The following IFT46 variants were observed in gnomAD, a reference collection of about 807,000 sequenced individuals.
IFT46 encodes intraflagellar transport protein 46 homolog.
In IFT46, 19 loss-of-function variants were observed where a neutral mutation model predicts 39.6. The ratio of observed to expected loss-of-function variants is 0.48; its 90% confidence interval spans 0.33 to 0.70. IFT46 has a LOEUF of 0.70. Among genes scored for constraint, IFT46 ranks in the 30% least tolerant of loss-of-function variants. The probability of loss-of-function intolerance (pLI) is 0.01; values close to 1 mark genes in which losing one functional copy is unlikely to be tolerated. For synonymous variants in IFT46, 117 were observed against 134.8 expected (o/e 0.87, Z 0.91); for missense variants, 334 against 364.8 (o/e 0.92, Z 0.69).
At chr11:118,564,188 C>CAAAAA (rs34442295) in intron 2 of IFT46, among the ~76,000 whole-genome samples, 1 of 55,102 alleles carries the variant, frequency 1.8e-5, no homozygotes, top group Non-Finnish European at 3.4e-5. Flanking sequence ...GACTCTGTCT[C>CAAAAA]AAAAAAAAAA....
At chr11:118,561,989 A>C (rs912449306) in intron 2 of IFT46, among the ~76,000 whole-genome samples, 24 of 151,996 alleles carry the variant, frequency 1.6e-4, no homozygotes, top group African/African-American at 5.3e-4. Flanking sequence ...AAATACAAAA[A>C]TTAGGCCGGG....
At chr11:118,556,387 G>A (rs1937835777) in intron 4 of IFT46, among the ~76,000 whole-genome samples, 1 of 152,112 alleles carries the variant, frequency 6.6e-6, no homozygotes, top group African/African-American at 2.4e-5. Context: ...CAGCTACTCA[G>A]GAGGCTGAGG....
At position 118,559,909 on chromosome 11, in the gene IFT46, T is replaced by C. The variant is rs539090554; in HGVS notation, c.-35-45A>G. ...CTTTAGATTATTGTTAAAATGATTT[T>C]TAAAAACAAGTATTTTTTAGTTTTT... On this transcript the variant is annotated intron_variant, in intron 2 of 11. Coordinates refer to ENST00000264021, the MANE Select transcript of IFT46 (RefSeq NM_001168618.2). 1,190 of 1,131,106 alleles carry C rather than the reference T, an allele frequency of 1.1e-3. 3 individuals are homozygous for C. Among genetic ancestry groups the C allele is most frequent in the Non-Finnish European group, 1.3e-3 (1,007 of 764,882 alleles). The allele number at this position is 1,131,106 out of a possible 1,614,324, so 70.1% of individuals were successfully genotyped here. A position where few individuals can be genotyped will look rare whatever the true frequency, so the allele number is the denominator to read the frequency against.
chr11:118,569,356 G>A (rs1565354070), upstream of IFT46, among the ~76,000 whole-genome samples: 4 of 151,986 alleles, frequency 2.6e-5, no homozygotes, highest in Admixed American at 2.0e-4. Context: ...ACTTTGGGGG[G>A]ACAAGATGGG....
chr11:118,564,693 GAAAAGA>G (rs782736783), intron 2 of IFT46, among the ~76,000 whole-genome samples: 51 of 150,278 alleles, frequency 3.4e-4, no homozygotes, highest in Admixed American at 8.6e-4. Flanking sequence ...TAAAAAAAAA[GAAAAGA>G]AAAAGAAAAA....
Position 118,544,883 on chromosome 11 carries a change from G to T in IFT46, c.*33C>A. On this transcript the variant is annotated 3_prime_UTR_variant, in exon 12 of 12. Transcript: ENST00000264021. Reference sequence around the variant, plus strand: ...CATCTCAGCTGGGGCAGAGGGGCCAGCTCAGCCTTGAAACAGCAGCTTGGG... The same window carrying T: ...CATCTCAGCTGGGGCAGAGGGGCCATCTCAGCCTTGAAACAGCAGCTTGGG... 6.7e-7 allele frequency: 1 copy of T among 1,493,160 alleles called. No individual in the cohort carries two copies. The highest frequency in any genetic ancestry group is 9.3e-7 in the Non-Finnish European group (1 of 1,071,824). The allele number at this position is 1,493,160 out of a possible 1,614,324, so 92.5% of individuals were successfully genotyped here. A position where few individuals can be genotyped will look rare whatever the true frequency, so the allele number is the denominator to read the frequency against.
At chr11:118,561,355 C>T in intron 2 of IFT46, 4 of 890,964 alleles carry the variant, frequency 4.5e-6, no homozygotes, top group Non-Finnish European at 5.7e-6. Flanking sequence ...AGAACCAGTT[C>T]TCTCAATGCA....
chr11:118,546,143 CA>C (rs1555067087), intron 9 of IFT46: 1 of 718,306 alleles, frequency 1.4e-6, no homozygotes, highest in African/African-American at 1.7e-5. Context: ...GACAAAGACG[CA>C]TAACAGAGGG....
upstream of IFT46, among the ~76,000 whole-genome samples, chr11:118,567,060 C>A (rs1938241479): frequency 6.6e-6 from 1 of 151,774 alleles, no homozygotes; most frequent in South Asian, 2.1e-4. Flanking sequence ...TAGCAAGAAC[C>A]GCCCCCCTCC....
chr11:118,557,270 G>C (rs1030149437), intron 3 of IFT46: 47 of 439,944 alleles, frequency 1.1e-4, no homozygotes, highest in African/African-American at 7.9e-4. Context: ...TCTACTTGAG[G>C]CTGGGGTATA....
rs547050747 is a variant in IFT46 at position 118,572,637 on chromosome 11, G to A, written c.-174C>T. On this transcript the variant is annotated 5_prime_UTR_variant, in exon 1 of 6. Coordinates refer to the IFT46 transcript ENST00000528378. ...CGGGCCTGGGGCAGGGGCCGGAGGA[G>A]CCCCGCCCTGAGGGTCTAGGGCAGA... 646 of 1,532,366 alleles carry A rather than the reference G, an allele frequency of 4.2e-4. 7 individuals are homozygous for A. Among genetic ancestry groups the A allele is most frequent in the Non-Finnish European group, 2.4e-5 (27 of 1,128,176 alleles). The allele number at this position is 1,532,366 out of a possible 1,614,324, so 94.9% of individuals were successfully genotyped here.
Position 118,544,599 on chromosome 11 carries a change from C to A in IFT46, c.*317G>T, listed in dbSNP as rs1230261631. ...TACGAATGAAAGAAAACAATTCCAT[C>A]CCTCTCACAAAAAGGACATCTTTTA... On this transcript the variant is annotated 3_prime_UTR_variant, in exon 12 of 12. Coordinates refer to ENST00000264021, the MANE Select transcript of IFT46 (RefSeq NM_001168618.2). 10 of 288,938 alleles carry A rather than the reference C, an allele frequency of 3.5e-5. No individual in the cohort carries two copies. The East Asian group carries it at 7.0e-4, about 20-fold the overall frequency. The allele number at this position is 288,938 out of a possible 1,614,324, so 17.9% of individuals were successfully genotyped here. A position where few individuals can be genotyped will look rare whatever the true frequency, so the allele number is the denominator to read the frequency against.
Position 118,545,874 on chromosome 11 carries a change from C to T in IFT46, c.673-21G>A, listed in dbSNP as rs368856493. Reference sequence around the variant, plus strand: ...CTTACCTGGAAGGGGCATGGAAGGACCAAAGTCAAAAGGATGGTGTCAGTG... The same window carrying T: ...CTTACCTGGAAGGGGCATGGAAGGATCAAAGTCAAAAGGATGGTGTCAGTG... On this transcript the variant is annotated intron_variant, in intron 9 of 11. Coordinates refer to ENST00000264021, the MANE Select transcript of IFT46 (RefSeq NM_001168618.2). The T allele has an allele frequency of 2.2e-5, 35 of 1,612,778 alleles. No individual in the cohort carries two copies. The African/African-American group carries it at 2.8e-4, about 13-fold the overall frequency.
At chr11:118,558,976 C>A (rs1261597950) in intron 3 of IFT46, among the ~76,000 whole-genome samples, 8 of 148,422 alleles carry the variant, frequency 5.4e-5, no homozygotes, top group East Asian at 2.0e-4. Flanking sequence ...AATCCCAGCA[C>A]CTTGGGAGGC....
At chr11:118,571,651 A>T (rs1294372797) in intron 1 of IFT46, among the ~76,000 whole-genome samples, 1 of 152,226 alleles carries the variant, frequency 6.6e-6, no homozygotes, top group Non-Finnish European at 1.5e-5. Context: ...TAATGTGCAT[A>T]TTAGCCATTT....
intron 1 of IFT46, chr11:118,572,565 A>G (rs1196277136): frequency 2.5e-6 from 4 of 1,607,730 alleles, no homozygotes; most frequent in Non-Finnish European, 3.4e-6. Flanking sequence ...GATCCGAGCC[A>G]GGACCCGAAC....
At chr11:118,575,425 T>C (rs1186851929), upstream of IFT46, among the ~76,000 whole-genome samples, 2 of 152,114 alleles carry the variant, frequency 1.3e-5, no homozygotes, top group East Asian at 3.8e-4. Flanking sequence ...TGTGTGTGTG[T>C]GTGTGTGTGT....
chr11:118,556,164 G>A (rs1276993108), intron 4 of IFT46, among the ~76,000 whole-genome samples: 2 of 151,930 alleles, frequency 1.3e-5, no homozygotes, highest in Non-Finnish European at 2.9e-5. Context: ...CCGGGACTAT[G>A]GGCACACACC....
intron 1 of IFT46, among the ~76,000 whole-genome samples, chr11:118,572,215 A>G (rs1288961764): frequency 6.6e-6 from 1 of 152,212 alleles, no homozygotes; most frequent in African/African-American, 2.4e-5. Flanking sequence ...GTGACGCAAA[A>G]TAAATGAAGG....
Sources: allele counts gnomAD v4.1 joint callset (sites outside exome capture counted in the v4.1 genomes callset), GRCh38; gene constraint gnomAD v4.1.1; transcripts MANE v1.5; gene names NCBI Gene and HGNC (gene_info 2026-07-23, HGNC 2026-07-21).